Variants in VSNL1 observed in about 807,000 individuals in gnomAD.
The protein encoded by VSNL1 is visinin-like protein 1.
VSNL1 carries 6 observed loss-of-function variants against 20.4 expected under a neutral mutation model. The ratio of observed to expected loss-of-function variants is 0.29; its 90% CI spans 0.16 to 0.58. The LOEUF is 0.58. Among genes scored for constraint, VSNL1 ranks in the 20% least tolerant of loss-of-function variants. VSNL1 has a pLI of 0.90. For missense variants in VSNL1, 100 were observed against 234.5 expected, an observed-to-expected ratio of 0.43 and a Z score of 3.75; for synonymous variants, 93 against 86.4, an observed-to-expected ratio of 1.08 and a Z score of -0.42.
Position 17,619,499 on chromosome 2 carries a change from T to C in VSNL1, c.162+27263T>C, listed in dbSNP as rs1388867653. 4.6e-5 allele frequency among the ~76,000 whole-genome samples: 7 copies of C among 152,228 alleles called. No individual in the cohort carries two copies. In the South Asian group the frequency reaches 1.2e-3, roughly 27 times the overall value. On this transcript the variant is annotated intron_variant, in intron 2 of 3. Coordinates refer to ENST00000295156, the MANE Select transcript of VSNL1 (RefSeq NM_003385.5). Reference sequence around the variant, plus strand: ...TTAACTCAAATGCGAAACTTCAGACTCAGCAGCCCCCGAGCCTTCTGAGGT... The same window carrying C: ...TTAACTCAAATGCGAAACTTCAGACCCAGCAGCCCCCGAGCCTTCTGAGGT...
Position 17,589,146 on chromosome 2 carries a change from T to G in VSNL1, c.-5-2924T>G, listed in dbSNP as rs553024963. Among the ~76,000 whole-genome samples, 14 of 152,012 alleles carry G rather than the reference T, an allele frequency of 9.2e-5. 1 individual carries two copies. The South Asian group carries it at 2.7e-3, about 29-fold the overall frequency. Reference sequence around the variant, plus strand: ...AGACTATTTAAAGAAGGGGAAGAAGTCTGTTGAGCAGAAAATGGGGGGAAG... The same window carrying G: ...AGACTATTTAAAGAAGGGGAAGAAGGCTGTTGAGCAGAAAATGGGGGGAAG... On this transcript the variant is annotated intron_variant, in intron 1 of 3. Transcript: ENST00000295156.
rs551495284 is a variant in VSNL1 at position 17,647,050 on chromosome 2, G to A, written c.163-2360G>A. Among the ~76,000 whole-genome samples the A allele has an allele frequency of 4.6e-5, 7 of 152,322 alleles. No homozygotes were observed. In the South Asian group the frequency reaches 1.5e-3, roughly 32 times the overall value. ...ACACACTCAGTTCTAAAGTAAACAT[G>A]TTGGTTGTAAAAGTCAGTATATAGA... On this transcript the variant is annotated intron_variant, in intron 2 of 3. Transcript: ENST00000295156.
At chr2:17,593,874 C>A (rs1156302695) in intron 2 of VSNL1, among the ~76,000 whole-genome samples, 3 of 152,162 alleles carry the variant, frequency 2.0e-5, no homozygotes, top group African/African-American at 7.2e-5. Flanking sequence ...CACCTAGGGG[C>A]TAGTCCATGC....
At chr2:17,564,738 T>G (rs1402472081) in intron 1 of VSNL1, among the ~76,000 whole-genome samples, 1 of 152,294 alleles carries the variant, frequency 6.6e-6, no homozygotes, top group Non-Finnish European at 1.5e-5. Context: ...GTATAATTAT[T>G]GATGAGCAAG....
At chr2:17,599,018 A>G (rs1018736111) in intron 2 of VSNL1, among the ~76,000 whole-genome samples, 1 of 152,244 alleles carries the variant, frequency 6.6e-6, no homozygotes, top group Non-Finnish European at 1.5e-5. Context: ...CCAGTGGGAT[A>G]AAACGCAGCC....
At position 17,617,886 on chromosome 2, in the gene VSNL1, C is replaced by CACAT. The variant is rs1553302981; in HGVS notation, c.162+25650_162+25651insACAT. ...CTGCATACATGCACATGCACATGCA[C>CACAT]GCGCACACACACACACACACACACC... On this transcript the variant is annotated intron_variant, in intron 2 of 3. Transcript: ENST00000295156. Among the ~76,000 whole-genome samples, 881 of 93,684 alleles carry CACAT rather than the reference C, an allele frequency of 9.4e-3. 4 individuals are homozygous for CACAT. Among genetic ancestry groups the CACAT allele is most frequent in the Middle Eastern group, 0.021 (2 of 96 alleles). 61.5% of individuals were successfully genotyped at this position (93,684 alleles called of 152,430 possible).
At chr2:17,633,833 G>A (rs986382986) in intron 2 of VSNL1, among the ~76,000 whole-genome samples, 48 of 152,292 alleles carry the variant, frequency 3.2e-4, no homozygotes, top group African/African-American at 9.9e-4. Context: ...GGGGTGGAAA[G>A]GAAAGAGCAG....
intron 2 of VSNL1, among the ~76,000 whole-genome samples, chr2:17,630,408 A>G (rs543870974): frequency 2.6e-5 from 4 of 152,376 alleles, no homozygotes; most frequent in Admixed American, 2.6e-4. Flanking sequence ...GTTGAGAGAC[A>G]TAAATAAGCA....
chr2:17,640,638 T>G (rs553924261), intron 2 of VSNL1, among the ~76,000 whole-genome samples: 9 of 152,358 alleles, frequency 5.9e-5, no homozygotes, highest in African/African-American at 2.2e-4. Context: ...CCCACCTTCT[T>G]AGGCAATGAT....
Position 17,591,241 on chromosome 2 carries a change from C to T in VSNL1, c.-5-829C>T, listed in dbSNP as rs146720370. Reference sequence around the variant, plus strand: ...CTAAGTAACACATGTAGTAATTGGCCAAATCAGGAAGAAAAATCAGGAATT... The same window carrying T: ...CTAAGTAACACATGTAGTAATTGGCTAAATCAGGAAGAAAAATCAGGAATT... On this transcript the variant is annotated intron_variant, in intron 1 of 3. Coordinates refer to ENST00000295156, the MANE Select transcript of VSNL1 (RefSeq NM_003385.5). Among the ~76,000 whole-genome samples the T allele has an allele frequency of 8.9e-4, 136 of 152,116 alleles. 3 individuals carry two copies. The highest frequency in any genetic ancestry group is 3.0e-3 in the African/African-American group (125 of 41,484).
rs1666082662 is a variant in VSNL1, at chr2:17,649,678, G to A, written c.378+53G>A. On this transcript the variant is annotated intron_variant, in intron 3 of 3. Coordinates refer to ENST00000295156, the MANE Select transcript of VSNL1 (RefSeq NM_003385.5). This position sits in a 1 kb window ranked among gnomAD's most constrained non-coding sequence, Gnocchi z 6.4. ...GGTGGGCACAGAAGGAGACCCCACG[G>A]CAGCCTCCTAGGTGCAGGCCTTAGT... 1.3e-6 allele frequency: 2 copies of A among 1,574,106 alleles called. No individual in the cohort carries two copies. The highest frequency in any genetic ancestry group is 1.7e-5 in the Admixed American group (1 of 59,558).
intron 1 of VSNL1, among the ~76,000 whole-genome samples, chr2:17,575,776 C>T (rs1664197178): frequency 6.6e-6 from 1 of 151,958 alleles, no homozygotes; most frequent in Non-Finnish European, 1.5e-5. Context: ...ACCTTGTGAT[C>T]TGCCTGCCTC....
chr2:17,617,885 A>ACG (rs1553302990), intron 2 of VSNL1, among the ~76,000 whole-genome samples: 1 of 89,896 alleles, frequency 1.1e-5, no homozygotes, highest in East Asian at 2.1e-4. Context: ...ATGCACATGC[A>ACG]CGCGCACACA....
chr2:17,616,641 G>GT (rs1359647776), intron 2 of VSNL1, among the ~76,000 whole-genome samples: 1 of 152,226 alleles, frequency 6.6e-6, no homozygotes, highest in East Asian at 1.9e-4. Flanking sequence ...TTACTTGTGT[G>GT]TATGTCTCCA....
chr2:17,576,502 G>A (rs1424724806), intron 1 of VSNL1, among the ~76,000 whole-genome samples: 1 of 152,116 alleles, frequency 6.6e-6, no homozygotes, highest in Non-Finnish European at 1.5e-5. Context: ...CAGTTTTGCT[G>A]TATTTGATTA....
chr2:17,577,206 G>T (rs758271558), intron 1 of VSNL1, among the ~76,000 whole-genome samples: 1 of 152,140 alleles, frequency 6.6e-6, no homozygotes, highest in Non-Finnish European at 1.5e-5. Flanking sequence ...TGAGTGAACC[G>T]TCACTCTGAG....
At chr2:17,579,146 C>T (rs939150075) in intron 1 of VSNL1, among the ~76,000 whole-genome samples, 2 of 151,402 alleles carry the variant, frequency 1.3e-5, no homozygotes, top group Non-Finnish European at 2.9e-5. Context: ...GACGGAGTCT[C>T]GCTCTGTCGC....
chr2:17,633,380 A>G (rs1485933003), intron 2 of VSNL1, among the ~76,000 whole-genome samples: 1 of 142,874 alleles, frequency 7.0e-6, no homozygotes, highest in African/African-American at 2.6e-5. Flanking sequence ...AAAGCTGGGC[A>G]TGGTGGTGAG....
intron 2 of VSNL1, among the ~76,000 whole-genome samples, chr2:17,642,404 C>G (rs1325408443): frequency 6.7e-6 from 1 of 149,044 alleles, no homozygotes; most frequent in Admixed American, 6.8e-5. Context: ...CGCCTCCCAG[C>G]TTCACACCAT....
Sources: allele counts gnomAD v4.1 joint callset (sites outside exome capture counted in the v4.1 genomes callset), GRCh38; gene constraint gnomAD v4.1.1; non-coding constraint Gnocchi (gnomAD v3.1); transcripts MANE v1.5; gene names NCBI Gene and HGNC (gene_info 2026-07-23, HGNC 2026-07-21).